Variants in ZNF544 observed in about 807,000 individuals in gnomAD.
The protein encoded by ZNF544 is zinc finger protein 544.
In ZNF544, 10 loss-of-function variants were observed where a neutral mutation model predicts 13.5. The observed-to-expected ratio is 0.74, with a 90% CI of 0.46 to 1.25. The LOEUF (loss-of-function observed/expected upper bound fraction) is 1.25, where lower values mean the gene tolerates loss of function less well. ZNF544 is among the 50% of genes most tolerant of loss of function. The probability of loss-of-function intolerance (pLI) is 0.00; values close to 1 mark genes in which losing one functional copy is unlikely to be tolerated. For missense variants in ZNF544, 896 were observed against 845.6 expected, an observed-to-expected ratio of 1.06 and a Z score of -0.74; for synonymous variants, 323 against 300.5, an observed-to-expected ratio of 1.07 and a Z score of -0.77.
chr19:58,261,421 G>C lies in ZNF544; in HGVS notation c.815G>C (p.Cys272Ser), dbSNP rs1335718678. The change falls in exon 7 of 7, where the codon TGT becomes TCT. Residue 272 changes from cysteine to serine, a missense_variant. By Grantham distance (112) the Cys-to-Ser change is moderately radical. Transcript: ENST00000687789. The part of the protein sequence containing the change: ...RTFSVKKSDD[C>S]KDYGNLFSHS... ...TTTTCAGTGAAGAAAAGTGATGACT[G>C]TAAGGATTATGGAAACCTCTTCAGT... The C allele has an allele frequency of 2.6e-5, 42 of 1,614,094 alleles. No individual in the cohort carries two copies. Among genetic ancestry groups the C allele is most frequent in the Non-Finnish European group, 3.2e-5 (38 of 1,180,056 alleles).
chr19:58,275,422 T>C (rs1438410745), intron 5 of ZNF544, among the ~76,000 whole-genome samples: 1 of 151,886 alleles, frequency 6.6e-6, no homozygotes, highest in Non-Finnish European at 1.5e-5. Flanking sequence ...CTTGAAAGGA[T>C]CTCAGGAACG....
chr19:58,261,586 G>C lies in ZNF544; in HGVS notation c.980G>C (p.Arg327Thr). 6.2e-7 allele frequency: 1 copy of C among 1,614,228 alleles called. No homozygotes were observed. Among genetic ancestry groups the C allele is most frequent in the Non-Finnish European group, 8.5e-7 (1 of 1,180,042 alleles). Residue 327 changes from arginine to threonine, a missense_variant, in exon 7 of 7, where the codon AGA becomes ACA. Coordinates refer to ENST00000687789, the MANE Select transcript of ZNF544 (RefSeq NM_014480.4). Reference protein sequence around the residue: ...ERSGPGETPFRCEERCAAFPM... With the variant: ...ERSGPGETPFTCEERCAAFPM... ...AGTGGCCCTGGAGAGACCCCCTTCA[G>C]ATGTGAGGAACGCTGTGCTGCCTTC...
intron 6 of ZNF544, chr19:58,247,722 TA>T (rs1032313898): frequency 6.6e-6 from 1 of 151,910 alleles, no homozygotes; most frequent in African/African-American, 2.4e-5. Context: ...TTAATGGAGA[TA>T]GGGTTTCATC....
Position 58,262,160 on chromosome 19 carries a change from G to T in ZNF544, c.1554G>T (p.Lys518Asn), listed in dbSNP as rs2049103161. Residue 518 changes from lysine to asparagine, a missense_variant, in exon 7 of 7, where the codon AAG (lysine) becomes AAT (asparagine). Lys to Asn is a moderately conservative substitution (Grantham distance 94). Transcript: ENST00000687789. ...ATCAGAGGACACACACTGGAGAGAA[G>T]CCCTATGAGTGCAACCTGTGTGGGA... ...VVHQRTHTGE[K>N]PYECNLCGKS... 6.2e-7 allele frequency: 1 copy of T among 1,613,278 alleles called. No homozygotes were observed. The highest frequency in any genetic ancestry group is 1.7e-5 in the Admixed American group (1 of 59,928).
intron 5 of ZNF544, among the ~76,000 whole-genome samples, chr19:58,273,997 T>C (rs1481487865): frequency 6.6e-6 from 1 of 152,016 alleles, no homozygotes; most frequent in Non-Finnish European, 1.5e-5. Context: ...GGTTTCCCCA[T>C]GTTGGCCAGG....
downstream of ZNF544, among the ~76,000 whole-genome samples, chr19:58,267,411 G>T (rs1035740927): frequency 4.6e-5 from 7 of 151,676 alleles, no homozygotes; most frequent in Admixed American, 3.3e-4. Context: ...GTCAAGAAAG[G>T]GTTACAAGGC....
rs572785208 is a variant in ZNF544, at chr19:58,242,433, C to G, written c.-59-1532C>G. 3.6e-5 allele frequency: 8 copies of G among 222,640 alleles called. No homozygotes were observed. The South Asian group carries it at 1.1e-3, about 31-fold the overall frequency. 13.8% of individuals were successfully genotyped at this position (222,640 alleles called of 1,614,324 possible). A position where few individuals can be genotyped will look rare whatever the true frequency, so the allele number is the denominator to read the frequency against. On this transcript the variant is annotated intron_variant, in intron 3 of 6. Coordinates refer to ENST00000687789, the MANE Select transcript of ZNF544 (RefSeq NM_014480.4). ...GACTATGGGGCAAGAAAAATGCCAG[C>G]GTTCAAACCTGGGAGAATGATAAGT...
chr19:58,271,269 T>C (rs1296261986), intron 5 of ZNF544, among the ~76,000 whole-genome samples: 5 of 148,794 alleles, frequency 3.4e-5, no homozygotes, highest in Admixed American at 2.0e-4. Context: ...TACGGAGGTG[T>C]CCTCAAGAAG....
At position 58,262,967 on chromosome 19, in the gene ZNF544, G is replaced by A. The variant is rs1225533519; in HGVS notation, c.*213G>A. 7 of 1,351,414 alleles carry A rather than the reference G, an allele frequency of 5.2e-6. No homozygotes were observed. The South Asian group carries it at 5.4e-5, about 10-fold the overall frequency. The allele number at this position is 1,351,414 out of a possible 1,614,324, so 83.7% of individuals were successfully genotyped here. A position where few individuals can be genotyped will look rare whatever the true frequency, so the allele number is the denominator to read the frequency against. The stretch of plus-strand genomic sequence containing the variant: ...TGATCGCTCAACCCTTAGTAAACAC[G>A]AGAGGACACACACTGGAGGCAAACC... On this transcript the variant is annotated 3_prime_UTR_variant, in exon 7 of 7. Transcript: ENST00000687789.
At chr19:58,239,841 G>A (rs1421647524) in intron 3 of ZNF544, among the ~76,000 whole-genome samples, 2 of 151,492 alleles carry the variant, frequency 1.3e-5, no homozygotes, top group African/African-American at 2.4e-5. Context: ...TGAGGTTGCA[G>A]TGACCCAAGA....
chr19:58,246,606 A>C, intron 5 of ZNF544, 105 bp from the exon 6 acceptor site: 2 of 1,475,824 alleles, frequency 1.4e-6, no homozygotes, highest in South Asian at 2.5e-5. Context: ...TAGTCCTAAC[A>C]GTGGGGAGTT....
Position 58,262,303 on chromosome 19 carries a change from A to C in ZNF544, c.1697A>C (p.His566Pro). 3 of 1,614,074 alleles carry C rather than the reference A, an allele frequency of 1.9e-6. No individual in the cohort carries two copies. Among genetic ancestry groups the C allele is most frequent in the Non-Finnish European group, 2.5e-6 (3 of 1,180,036 alleles). The part of the protein sequence containing the change: ...SFRWNSNLVI[H>P]QRIHTGEKPY... ...AGATGGAACTCTAACCTCGTCATAC[A>C]TCAGAGAATTCATACTGGAGAGAAA... Residue 566 changes from histidine (H) to proline (P), a missense_variant, in exon 7 of 7, where the codon CAT (histidine) becomes CCT (proline). By Grantham distance (77) the His-to-Pro change is moderately conservative. Coordinates refer to ENST00000687789, the MANE Select transcript of ZNF544 (RefSeq NM_014480.4).
intron 1 of ZNF544, chr19:58,229,167 GT>G (rs1363103907): frequency 6.6e-6 from 1 of 152,374 alleles, no homozygotes; most frequent in Non-Finnish European, 1.5e-5. Flanking sequence ...GTCCAGTCAG[GT>G]TTCCCCTGCA....
chr19:58,271,872 C>G (rs913470252), intron 5 of ZNF544, among the ~76,000 whole-genome samples: 3 of 152,008 alleles, frequency 2.0e-5, no homozygotes, highest in African/African-American at 7.2e-5. Flanking sequence ...AAAAATCAAG[C>G]AAGAGCAGGC....
At chr19:58,277,165 A>C in intron 6 of ZNF544, 1 of 1,231,686 alleles carries the variant, frequency 8.1e-7, no homozygotes, top group Non-Finnish European at 1.0e-6. Flanking sequence ...AACTTGCCTA[A>C]CACCTGCTCC....
downstream of ZNF544, among the ~76,000 whole-genome samples, chr19:58,266,158 A>C (rs2049845557): frequency 7.1e-6 from 1 of 140,004 alleles, no homozygotes; most frequent in African/African-American, 2.6e-5. Context: ...GTGAGCCGAG[A>C]CTGCGCCGTT....
At position 58,261,952 on chromosome 19, in the gene ZNF544, C is replaced by G. The variant is rs759665812; in HGVS notation, c.1346C>G (p.Ser449Cys). ...IECRKSFRWN[S>C]NLIVHQRIHT... is the part of the protein sequence containing the mutation. The stretch of plus-strand genomic sequence containing the variant: ...TGCAGAAAATCCTTCAGGTGGAACT[C>G]TAACCTCATTGTACATCAGAGAATT... The change falls in exon 7 of 7, where the codon TCT (serine) becomes TGT (cysteine). Residue 449 changes from serine (S) to cysteine (C), a missense_variant. Ser to Cys is a moderately radical substitution (Grantham distance 112). Coordinates refer to ENST00000687789, the MANE Select transcript of ZNF544 (RefSeq NM_014480.4). 6.2e-7 allele frequency: 1 copy of G among 1,613,362 alleles called. No homozygotes were observed. The highest frequency in any genetic ancestry group is 1.7e-5 in the Admixed American group (1 of 59,874).
intron 3 of ZNF544, among the ~76,000 whole-genome samples, chr19:58,238,615 C>T (rs1292338548): frequency 1.3e-5 from 2 of 152,120 alleles, no homozygotes; most frequent in East Asian, 1.9e-4. Context: ...GGAGTGCGTA[C>T]GTGAGGGTCT....
intron 6 of ZNF544, among the ~76,000 whole-genome samples, chr19:58,255,676 C>T (rs933694940): frequency 6.6e-6 from 1 of 152,242 alleles, no homozygotes; most frequent in Non-Finnish European, 1.5e-5. Context: ...TTTGCCCTTA[C>T]AGGCTGACTT....
Sources: gnomAD v4.1 joint callset for allele counts (sites outside exome capture counted in the v4.1 genomes callset) on GRCh38, gnomAD v4.1.1 for gene constraint, MANE v1.5 for transcripts, NCBI Gene and HGNC (gene_info 2026-07-23, HGNC 2026-07-21) for gene names.